NRG1: variants seen among roughly 807,000 people sequenced by gnomAD.
NRG1 encodes pro-neuregulin-1, membrane-bound isoform.
In NRG1, 18 loss-of-function variants were observed where a neutral mutation model predicts 63.8. The observed-to-expected ratio is 0.28, with a 90% CI of 0.19 to 0.42. The LOEUF is 0.42. Among genes scored for constraint, NRG1 ranks in the 10% least tolerant of loss-of-function variants. The pLI is 1.00. For missense variants in NRG1, 762 were observed against 814.7 expected, an observed-to-expected ratio of 0.94 and a Z score of 0.79; for synonymous variants, 302 against 301.3, an observed-to-expected ratio of 1.00 and a Z score of -0.02.
At chr8:32,225,157 T>C (rs190463317) in intron 1 of NRG1, among the ~76,000 whole-genome samples, 12 of 152,314 alleles carry the variant, frequency 7.9e-5, no homozygotes, top group Admixed American at 7.8e-4. Context: ...AAGTCTTTTT[T>C]CTTCCAGTGA....
intron 1 of NRG1, among the ~76,000 whole-genome samples, chr8:32,166,574 A>G (rs1241059523): frequency 6.6e-6 from 1 of 152,184 alleles, no homozygotes; most frequent in Non-Finnish European, 1.5e-5. Context: ...CAAATTTGTG[A>G]CAAGTTGTAT....
In NRG1 at chr8:32,532,236, A is replaced by G. The variant is rs139774478; in HGVS notation, c.38-63592A>G. On this transcript the variant is annotated intron_variant, in intron 1 of 10. Transcript: ENST00000519301. Reference sequence around the variant, plus strand: ...AGTAAAGTTCACCAATGATTCTTCAAATATGTTCACAAGCTAACTTGGCTT... The same window carrying G: ...AGTAAAGTTCACCAATGATTCTTCAGATATGTTCACAAGCTAACTTGGCTT... 2.6e-3 allele frequency among the ~76,000 whole-genome samples: 396 copies of G among 152,314 alleles called. 4 individuals are homozygous for G. Among genetic ancestry groups the G allele is most frequent in the African/African-American group, 9.1e-3 (380 of 41,572 alleles).
chr8:32,162,382 G>T (rs1239866622), intron 1 of NRG1, among the ~76,000 whole-genome samples: 3 of 152,118 alleles, frequency 2.0e-5, no homozygotes, highest in Non-Finnish European at 4.4e-5. Flanking sequence ...CTTGGATTCA[G>T]TTGTGTTGGC....
At chr8:32,720,004 T>C (rs1015254095) in intron 5 of NRG1, among the ~76,000 whole-genome samples, 17 of 152,300 alleles carry the variant, frequency 1.1e-4, no homozygotes, top group Middle Eastern at 3.4e-3. Context: ...TATTTGTTGA[T>C]GTGCCATGAT....
intron 1 of NRG1, among the ~76,000 whole-genome samples, chr8:31,734,232 A>G (rs1814421883): frequency 1.3e-5 from 2 of 152,186 alleles, no homozygotes; most frequent in Non-Finnish European, 2.9e-5. Context: ...AGGCTGAGGC[A>G]GGAAGATCGC....
chr8:32,240,548 C>G (rs530960685), intron 1 of NRG1, among the ~76,000 whole-genome samples: 1 of 152,174 alleles, frequency 6.6e-6, no homozygotes, highest in East Asian at 1.9e-4. Flanking sequence ...CACACAAACA[C>G]ACACATACAC....
chr8:32,049,832 A>G (rs1821683829), intron 1 of NRG1, among the ~76,000 whole-genome samples: 1 of 152,106 alleles, frequency 6.6e-6, no homozygotes, highest in Admixed American at 6.6e-5. Flanking sequence ...AGACCCTCCA[A>G]TCAGCCTGAT....
Position 32,345,183 on chromosome 8 carries a change from T to C in NRG1, c.38-250645T>C, listed in dbSNP as rs114227473. ...TGATAGCAAAGGCAGATAATGTCCA[T>C]TTAGTTCTGGGTGTAAATGTCTTCC... On this transcript the variant is annotated intron_variant, in intron 1 of 10. Coordinates refer to the NRG1 transcript ENST00000519301. Among the ~76,000 whole-genome samples, 407 of 152,298 alleles carry C rather than the reference T, an allele frequency of 2.7e-3. 2 individuals are homozygous for C. Among genetic ancestry groups the C allele is most frequent in the African/African-American group, 9.5e-3 (396 of 41,562 alleles).
chr8:31,976,149 C>G (rs1410532340), intron 1 of NRG1, among the ~76,000 whole-genome samples: 1 of 152,110 alleles, frequency 6.6e-6, no homozygotes, highest in Non-Finnish European at 1.5e-5. Context: ...TTGAGGATAT[C>G]AACATTAGCT....
At chr8:32,133,849 G>A (rs543905289) in intron 1 of NRG1, among the ~76,000 whole-genome samples, 1 of 152,190 alleles carries the variant, frequency 6.6e-6, no homozygotes, top group African/African-American at 2.4e-5. Flanking sequence ...TGATTTCTTA[G>A]GCCTGTTCAT....
chr8:31,766,625 C>CTGAT (rs1818090182), intron 1 of NRG1, among the ~76,000 whole-genome samples: 1 of 152,104 alleles, frequency 6.6e-6, no homozygotes, highest in South Asian at 2.1e-4. Flanking sequence ...CAGGATATTT[C>CTGAT]TGATTGAAAT....
intron 1 of NRG1, among the ~76,000 whole-genome samples, chr8:31,815,557 T>G (rs925872871): frequency 2.6e-5 from 4 of 152,214 alleles, no homozygotes; most frequent in African/African-American, 9.6e-5. Flanking sequence ...TAAACATGAA[T>G]GTACAGATAT....
intron 1 of NRG1, among the ~76,000 whole-genome samples, chr8:31,922,673 G>A (rs1172107702): frequency 6.6e-6 from 1 of 152,158 alleles, no homozygotes; most frequent in African/African-American, 2.4e-5. Flanking sequence ...AGTTAATGAA[G>A]GACCAGGTAG....
chr8:32,066,729 G>T (rs538200762), intron 1 of NRG1, among the ~76,000 whole-genome samples: 6 of 152,178 alleles, frequency 3.9e-5, no homozygotes, highest in East Asian at 3.9e-4. Context: ...ATGAAGAAAG[G>T]CATTGGTAGC....
chr8:32,773,414 C>T (rs185109336), intron 7 of NRG1, among the ~76,000 whole-genome samples: 6 of 152,088 alleles, frequency 3.9e-5, no homozygotes, highest in Admixed American at 6.6e-5. Context: ...GGGTTCCACT[C>T]GGGGTCAAAA....
At position 31,833,770 on chromosome 8, in the gene NRG1, G is replaced by A. The variant is rs146562698; in HGVS notation, c.37+194339G>A. ...TTCCTGAGCTGTGCTCCATGATCTCGTGTAAATATATACAATTTGTGATAA... is the reference window on the plus strand; with the variant it reads ...TTCCTGAGCTGTGCTCCATGATCTCATGTAAATATATACAATTTGTGATAA... On this transcript the variant is annotated intron_variant, in intron 1 of 10. Transcript: ENST00000519301. Among the ~76,000 whole-genome samples the A allele has an allele frequency of 3.8e-3, 572 of 152,198 alleles. 5 individuals are homozygous for A. Among genetic ancestry groups the A allele is most frequent in the African/African-American group, 0.013 (553 of 41,520 alleles).
intron 5 of NRG1, among the ~76,000 whole-genome samples, chr8:32,687,841 T>C (rs1810571757): frequency 6.6e-6 from 1 of 152,120 alleles, no homozygotes; most frequent in African/African-American, 2.4e-5. Context: ...AAAAACTATT[T>C]TAAAAAATAG....
At chr8:32,617,012 T>C in intron 5 of NRG1, 127 bp downstream of exon 5, 2 of 702,958 alleles carry the variant, frequency 2.8e-6, no homozygotes, top group Non-Finnish European at 5.0e-6. Context: ...CAATAGGTGG[T>C]ATTTGCTGTT....
intron 1 of NRG1, among the ~76,000 whole-genome samples, chr8:32,412,224 G>T (rs148486177): frequency 6.6e-6 from 1 of 151,790 alleles, no homozygotes; most frequent in Admixed American, 6.6e-5. Context: ...TGAGGCTACT[G>T]GTTTTCAGAC....
Sources: gnomAD v4.1 joint callset for allele counts (sites outside exome capture counted in the v4.1 genomes callset) on GRCh38, gnomAD v4.1.1 for gene constraint, MANE v1.5 for transcripts, NCBI Gene and HGNC (gene_info 2026-07-23, HGNC 2026-07-21) for gene names.